EXOC4: variants seen among roughly 807,000 people sequenced by gnomAD.
EXOC4 encodes the protein SEC8-like 1.
EXOC4 carries 71 observed loss-of-function variants against 107.2 expected under a neutral mutation model. The ratio of observed to expected loss-of-function variants is 0.66; its 90% CI spans 0.55 to 0.81. EXOC4 has a LOEUF of 0.81. EXOC4 is among the 30% of genes least tolerant of loss of function. The pLI is 0.00. For missense variants in EXOC4, 1,108 were observed against 1,189.6 expected (o/e 0.93, Z 1.01); for synonymous variants, 456 against 441.2 (o/e 1.03, Z -0.42).
chr7:133,706,105 G>T (rs191053215), intron 10 of EXOC4, among the ~76,000 whole-genome samples: 1 of 152,108 alleles, frequency 6.6e-6, no homozygotes, highest in Non-Finnish European at 1.5e-5. Context: ...TTTCTGTCAG[G>T]TTGTGTATAA....
At position 134,064,343 on chromosome 7, in the gene EXOC4, G is replaced by T. The variant is rs1337340321; in HGVS notation, c.2740G>T (p.Val914Leu). 4 of 1,517,972 alleles carry T rather than the reference G, an allele frequency of 2.6e-6. No homozygotes were observed. The African/African-American group carries it at 5.6e-5, about 21-fold the overall frequency. 94.0% of individuals were successfully genotyped at this position (1,517,972 alleles called of 1,614,324 possible). Residue 914 changes from valine to leucine, a missense_variant, in exon 18 of 18, where the codon GTG (valine) becomes TTG (leucine). Val to Leu is a conservative substitution (Grantham distance 32). Coordinates refer to ENST00000253861, the MANE Select transcript of EXOC4 (RefSeq NM_021807.4). ...NTADELLNLV[V>L]DQGVKYTELE... Reference sequence around the variant, plus strand: ...AGCTGACGAGCTCCTGAACCTGGTGGTGGACCAGGGTGTGAAGTACACGGA... The same window carrying T: ...AGCTGACGAGCTCCTGAACCTGGTGTTGGACCAGGGTGTGAAGTACACGGA...
At chr7:133,901,593 G>A (rs73156925) in intron 12 of EXOC4, among the ~76,000 whole-genome samples, 18,176 of 152,134 alleles carry the variant, frequency 0.12, 1,188 homozygotes, top group Middle Eastern at 0.15. Flanking sequence ...TCCTCAAAGC[G>A]TTATTTCAAA....
intron 7 of EXOC4, among the ~76,000 whole-genome samples, chr7:133,469,535 C>T (rs1382355642): frequency 1.3e-5 from 2 of 152,040 alleles, no homozygotes; most frequent in Non-Finnish European, 2.9e-5. Context: ...CAGTATTTTG[C>T]AAAGACAGTA....
At chr7:133,971,361 T>TATATAG (rs1489958236) in intron 14 of EXOC4, among the ~76,000 whole-genome samples, 187 of 75,042 alleles carry the variant, frequency 2.5e-3, no homozygotes, top group Middle Eastern at 7.1e-3. Flanking sequence ...TATATATATA[T>TATATAG]AGAGAGAGAG....
At chr7:133,266,969 T>C (rs1245355365) in intron 1 of EXOC4, among the ~76,000 whole-genome samples, 5 of 152,334 alleles carry the variant, frequency 3.3e-5, no homozygotes, top group Admixed American at 3.3e-4. Context: ...CAGATTTAGT[T>C]TGGGGGCTCA....
chr7:133,827,460 T>A (rs1322892891), intron 11 of EXOC4, among the ~76,000 whole-genome samples: 2 of 152,122 alleles, frequency 1.3e-5, no homozygotes, highest in Admixed American at 6.6e-5. Context: ...CAGAAAAAAA[T>A]TATTTAACTA....
chr7:133,473,129 T>C (rs1171463408), intron 7 of EXOC4, among the ~76,000 whole-genome samples: 3 of 152,214 alleles, frequency 2.0e-5, no homozygotes, highest in Non-Finnish European at 4.4e-5. Context: ...AGTCTTTTTT[T>C]GATCACAAAT....
chr7:133,683,141 C>G (rs185295333), intron 10 of EXOC4, among the ~76,000 whole-genome samples: 94 of 152,290 alleles, frequency 6.2e-4, no homozygotes, highest in Admixed American at 1.1e-3. Flanking sequence ...TGGGACCTGA[C>G]TTCTCCTTCC....
chr7:134,044,839 G>GATGAGTCAACATTTTTGTCTCCCC (rs1795609758), intron 17 of EXOC4, among the ~76,000 whole-genome samples: 1 of 152,190 alleles, frequency 6.6e-6, no homozygotes, highest in Admixed American at 6.5e-5. Context: ...TGAGTCTCTT[G>GATGAGTCAACATTTTTGTCTCCCC]ATGAGTCAAC....
At chr7:133,335,576 C>A (rs531035174) in intron 5 of EXOC4, among the ~76,000 whole-genome samples, 1 of 152,250 alleles carries the variant, frequency 6.6e-6, no homozygotes, top group Non-Finnish European at 1.5e-5. Context: ...TGTATATATA[C>A]TATATTTTGT....
intron 17 of EXOC4, among the ~76,000 whole-genome samples, chr7:134,027,717 G>A (rs1795175238): frequency 6.6e-6 from 1 of 151,472 alleles, no homozygotes; most frequent in African/African-American, 2.4e-5. Flanking sequence ...GGTTAGTGAA[G>A]GAGAAAGAAG....
chr7:133,544,216 T>A (rs1800436138), intron 9 of EXOC4, among the ~76,000 whole-genome samples: 1 of 149,312 alleles, frequency 6.7e-6, no homozygotes, highest in Non-Finnish European at 1.5e-5. Flanking sequence ...TACTGAATAT[T>A]TGTTCTTTGA....
At chr7:134,091,807 C>T in the EXOC4 span, among the ~76,000 whole-genome samples, 1 of 152,084 alleles carries the variant, frequency 6.6e-6, no homozygotes, top group Non-Finnish European at 1.5e-5. Flanking sequence ...TATACAGGGG[C>T]CTATCTTTAG....
intron 10 of EXOC4, among the ~76,000 whole-genome samples, chr7:133,674,352 C>T (rs1159109759): frequency 1.3e-5 from 2 of 152,132 alleles, no homozygotes; most frequent in Non-Finnish European, 2.9e-5. Context: ...TAATTAGGAA[C>T]ATCTTAGGTG....
chr7:133,630,661 T>G (rs1036029535), intron 10 of EXOC4, among the ~76,000 whole-genome samples: 1 of 152,162 alleles, frequency 6.6e-6, no homozygotes, highest in Non-Finnish European at 1.5e-5. Context: ...CCATAATCTG[T>G]CCCTCTCATT....
At position 134,064,523 on chromosome 7, in the gene EXOC4, G is replaced by A. The variant is rs1438763079; in HGVS notation, c.2920G>A (p.Val974Ile). Reference sequence around the variant, plus strand: ...CACCAAGGACAAGAAGATAACTACCGTTTAGCAGGGCGTACTGCGGTTGGT... The same window carrying A: ...CACCAAGGACAAGAAGATAACTACCATTTAGCAGGGCGTACTGCGGTTGGT... ...QATKDKKITTV is the reference protein window; with the variant it reads ...QATKDKKITTI Residue 974 changes from valine (V) to isoleucine (I), a missense_variant, in exon 18 of 18, where the codon GTT becomes ATT. Transcript: ENST00000253861. 6 of 1,588,826 alleles carry A rather than the reference G, an allele frequency of 3.8e-6. No individual in the cohort carries two copies. Among genetic ancestry groups the A allele is most frequent in the East Asian group, 2.3e-5 (1 of 43,878 alleles).
chr7:134,038,469 G>A (rs1466453782), intron 17 of EXOC4, among the ~76,000 whole-genome samples: 1 of 152,076 alleles, frequency 6.6e-6, no homozygotes, highest in Non-Finnish European at 1.5e-5. Context: ...TTGGACTCTC[G>A]TTTCTTTTAT....
intron 11 of EXOC4, among the ~76,000 whole-genome samples, chr7:133,872,153 G>A (rs1422398045): frequency 6.6e-6 from 1 of 151,926 alleles, no homozygotes; most frequent in Non-Finnish European, 1.5e-5. Flanking sequence ...AGACAAATAA[G>A]AAGAAAATTA....
At chr7:133,260,950 G>T (rs567347123) in intron 1 of EXOC4, among the ~76,000 whole-genome samples, 10 of 152,182 alleles carry the variant, frequency 6.6e-5, no homozygotes, top group African/African-American at 2.2e-4. Context: ...TATATAGTTT[G>T]TGTTGCTATG....
Sources: allele counts gnomAD v4.1 joint callset (sites outside exome capture counted in the v4.1 genomes callset), GRCh38; gene constraint gnomAD v4.1.1; transcripts MANE v1.5; gene names NCBI Gene and HGNC (gene_info 2026-07-23, HGNC 2026-07-21).